MBOAT1: variants seen among roughly 807,000 people sequenced by gnomAD.
The protein encoded by MBOAT1 is membrane-bound glycerophospholipid O-acyltransferase 1.
A neutral mutation model predicts 64.4 loss-of-function variants in MBOAT1; 67 were observed. The observed-to-expected ratio is 1.04, with a 90% CI of 0.85 to 1.27. The LOEUF is 1.27. MBOAT1 is among the 50% of genes most tolerant of loss of function. The probability of loss-of-function intolerance (pLI) is 0.00; values close to 1 mark genes in which losing one functional copy is unlikely to be tolerated. For missense variants in MBOAT1, 563 were observed against 604.6 expected (o/e 0.93, Z 0.72); for synonymous variants, 229 against 218.9 (o/e 1.05, Z -0.41).
intron 1 of MBOAT1, among the ~76,000 whole-genome samples, chr6:20,200,877 G>A (rs1396977234): frequency 6.6e-6 from 1 of 152,212 alleles, no homozygotes; most frequent in Non-Finnish European, 1.5e-5. Context: ...AGGGTGGGCA[G>A]TCAGCCAAGG....
intron 1 of MBOAT1, among the ~76,000 whole-genome samples, chr6:20,196,324 G>A (rs1041166823): frequency 2.0e-5 from 3 of 152,120 alleles, no homozygotes; most frequent in Non-Finnish European, 4.4e-5. Context: ...AAGACCCTTG[G>A]AAATGTAAGA....
At chr6:20,131,304 C>T in intron 4 of MBOAT1, 105 bp from the exon 5 acceptor site, 10 of 1,030,790 alleles carry the variant, frequency 9.7e-6, no homozygotes, top group Non-Finnish European at 1.5e-5. Flanking sequence ...CCCATAATCC[C>T]CACATGTCGT....
At chr6:20,142,894 A>C (rs2113679172) in intron 4 of MBOAT1, among the ~76,000 whole-genome samples, 1 of 152,362 alleles carries the variant, frequency 6.6e-6, no homozygotes, top group South Asian at 2.1e-4. Context: ...CTTATGCATG[A>C]AAAACCAGTC....
chr6:20,151,896 C>T (rs1761503626), intron 2 of MBOAT1, among the ~76,000 whole-genome samples: 1 of 152,190 alleles, frequency 6.6e-6, no homozygotes, highest in Admixed American at 6.5e-5. Context: ...AGGACTTATA[C>T]CCACGTCTCT....
At chr6:20,197,120 ATT>A (rs35169311) in intron 1 of MBOAT1, among the ~76,000 whole-genome samples, 60 of 151,070 alleles carry the variant, frequency 4.0e-4, no homozygotes, top group African/African-American at 6.3e-4. Flanking sequence ...ATCTTTACAA[ATT>A]TTTTTTTTTA....
chr6:20,110,155 C>T (rs142026429), intron 11 of MBOAT1, among the ~76,000 whole-genome samples: 5,083 of 151,424 alleles, frequency 0.034, 283 homozygotes, highest in African/African-American at 0.12. Context: ...GTGATCTGCC[C>T]ACCTTGGCCG....
chr6:20,134,473 G>T (rs1581413188), intron 4 of MBOAT1, among the ~76,000 whole-genome samples: 1 of 151,468 alleles, frequency 6.6e-6, no homozygotes, highest in East Asian at 1.9e-4. Context: ...AATATCTAAA[G>T]AAGTTAATTT....
intron 8 of MBOAT1, among the ~76,000 whole-genome samples, chr6:20,123,795 A>G (rs542163517): frequency 1.8e-4 from 28 of 152,224 alleles, no homozygotes; most frequent in South Asian, 8.3e-4. Flanking sequence ...GGTGGCTCAC[A>G]CCTGTAATCC....
intron 6 of MBOAT1, among the ~76,000 whole-genome samples, chr6:20,127,665 C>T (rs1315833650): frequency 6.6e-6 from 1 of 152,146 alleles, no homozygotes; most frequent in Non-Finnish European, 1.5e-5. Flanking sequence ...TCACTGTTCC[C>T]CAACACCCCC....
chr6:20,195,702 T>C (rs866578780), intron 1 of MBOAT1, among the ~76,000 whole-genome samples: 28 of 152,194 alleles, frequency 1.8e-4, no homozygotes, highest in African/African-American at 6.5e-4. Flanking sequence ...TCTGTATCTA[T>C]ATTAAACTAA....
chr6:20,126,180 T>C (rs1172648088), intron 7 of MBOAT1, among the ~76,000 whole-genome samples: 1 of 152,110 alleles, frequency 6.6e-6, no homozygotes, highest in Non-Finnish European at 1.5e-5. Context: ...TGCCATATCA[T>C]CTTTTGGCTG....
chr6:20,162,193 C>T (rs1357422094), intron 1 of MBOAT1, among the ~76,000 whole-genome samples: 1 of 152,188 alleles, frequency 6.6e-6, no homozygotes, highest in Non-Finnish European at 1.5e-5. Flanking sequence ...GGGTTTAGGA[C>T]TTCAACATTT....
intron 1 of MBOAT1, among the ~76,000 whole-genome samples, chr6:20,186,252 C>A (rs1484117626): frequency 1.3e-5 from 2 of 152,186 alleles, no homozygotes; most frequent in Non-Finnish European, 2.9e-5. Flanking sequence ...TGCTGAAAGC[C>A]AAAGTCTTGC....
At chr6:20,170,929 T>C (rs1308973895) in intron 1 of MBOAT1, among the ~76,000 whole-genome samples, 1 of 148,042 alleles carries the variant, frequency 6.8e-6, no homozygotes, top group African/African-American at 2.5e-5. Context: ...AATGAATGAA[T>C]GATATGCTCA....
At chr6:20,177,194 G>A (rs935153667) in intron 1 of MBOAT1, among the ~76,000 whole-genome samples, 4 of 152,066 alleles carry the variant, frequency 2.6e-5, no homozygotes, top group Non-Finnish European at 4.4e-5. Flanking sequence ...CTTGGCCTTC[G>A]ATCTTCAGGA....
intron 8 of MBOAT1, among the ~76,000 whole-genome samples, chr6:20,123,156 A>C (rs1360134341): frequency 6.6e-6 from 1 of 152,094 alleles, no homozygotes; most frequent in Non-Finnish European, 1.5e-5. Context: ...TTTTTAAAAA[A>C]AAAGTAATTT....
chr6:20,127,245 A>G (rs2113653401), intron 6 of MBOAT1, among the ~76,000 whole-genome samples: 1 of 152,310 alleles, frequency 6.6e-6, no homozygotes, highest in South Asian at 2.1e-4. Flanking sequence ...AGACCAAGGT[A>G]GTGGAGGGAA....
intron 1 of MBOAT1, among the ~76,000 whole-genome samples, chr6:20,206,229 A>G (rs577649001): frequency 6.6e-6 from 1 of 152,248 alleles, no homozygotes; most frequent in South Asian, 2.1e-4. Context: ...GCTGGAGTAC[A>G]GTGGCACAAT....
intron 1 of MBOAT1, among the ~76,000 whole-genome samples, chr6:20,153,183 G>A (rs1761579178): frequency 6.6e-6 from 1 of 152,148 alleles, no homozygotes; most frequent in Non-Finnish European, 1.5e-5. Context: ...CTCAGACTTG[G>A]ATTTGTTCTT....
Sources: gnomAD v4.1 joint callset for allele counts (sites outside exome capture counted in the v4.1 genomes callset) on GRCh38, gnomAD v4.1.1 for gene constraint, MANE v1.5 for transcripts, NCBI Gene and HGNC (gene_info 2026-07-23, HGNC 2026-07-21) for gene names.